The following ADARB2 variants were observed in gnomAD, a reference collection of about 807,000 sequenced individuals.
ADARB2 encodes adenosine deaminase RNA specific B2 (inactive).
In ADARB2, 25 loss-of-function variants were observed where a neutral mutation model predicts 62.2. The observed-to-expected ratio is 0.40, with a 90% CI of 0.29 to 0.56. The LOEUF is 0.56. Ranked by LOEUF, ADARB2 falls within the 20% of genes least tolerant of loss-of-function variation. ADARB2 has a pLI of 0.43. For synonymous variants in ADARB2, 572 were observed against 500.8 expected, an observed-to-expected ratio of 1.14 and a Z score of -1.90; for missense variants, 1,071 against 1,077.4, an observed-to-expected ratio of 0.99 and a Z score of 0.08.
chr10:1,563,364 G>A (rs568043887), intron 1 of ADARB2, among the ~76,000 whole-genome samples: 1 of 152,202 alleles, frequency 6.6e-6, no homozygotes, highest in Non-Finnish European at 1.5e-5. Context: ...GAACGTGGTT[G>A]CTCTAAGGTG....
In ADARB2 at chr10:1,306,143, T is replaced by A. The variant is rs543431523; in HGVS notation, c.1078-35074A>T. Among the ~76,000 whole-genome samples the A allele has an allele frequency of 6.0e-5, 9 of 150,232 alleles. No individual in the cohort carries two copies. In the South Asian group the frequency reaches 1.7e-3, roughly 28 times the overall value. On this transcript the variant is annotated intron_variant, in intron 3 of 9. Coordinates refer to ENST00000381312, the MANE Select transcript of ADARB2 (RefSeq NM_018702.4). ...TGTCCCTGTTTGCAGATGACATGAT[T>A]GTATATCTAGAAAACCCCATTGTCT... is the stretch of plus-strand genomic sequence containing the variant.
intron 1 of ADARB2, among the ~76,000 whole-genome samples, chr10:1,413,326 T>A (rs1199659809): frequency 6.6e-6 from 1 of 151,758 alleles, no homozygotes; most frequent in African/African-American, 2.4e-5. Flanking sequence ...GGGAAGGGGG[T>A]GCTCTGTGGT....
At chr10:1,303,930 G>A (rs929822394) in intron 3 of ADARB2, among the ~76,000 whole-genome samples, 27 of 152,162 alleles carry the variant, frequency 1.8e-4, no homozygotes, top group Admixed American at 5.9e-4. Context: ...ATGCCAAAAT[G>A]TAAAGACCAT....
intron 1 of ADARB2, among the ~76,000 whole-genome samples, chr10:1,621,902 G>T (rs1041462328): frequency 1.2e-5 from 1 of 86,078 alleles, no homozygotes; most frequent in Non-Finnish European, 2.2e-5. Flanking sequence ...AAAATGCAAA[G>T]GATCTAATAG....
At chr10:1,625,339 C>T (rs765682832) in intron 1 of ADARB2, among the ~76,000 whole-genome samples, 3 of 152,324 alleles carry the variant, frequency 2.0e-5, no homozygotes, top group Admixed American at 6.5e-5. Flanking sequence ...GACAGACAGT[C>T]GACGTGGGTT....
intron 1 of ADARB2, among the ~76,000 whole-genome samples, chr10:1,687,457 G>A (rs955081906): frequency 1.3e-5 from 2 of 151,754 alleles, no homozygotes; most frequent in Non-Finnish European, 2.9e-5. Context: ...CTATCTTTGG[G>A]ACTTGATTGG....
chr10:1,345,592 A>C lies in ADARB2; in HGVS notation c.1077+17436T>G, dbSNP rs559668947. 4.4e-3 allele frequency among the ~76,000 whole-genome samples: 665 copies of C among 152,236 alleles called. 2 individuals carry two copies. Among genetic ancestry groups the C allele is most frequent in the African/African-American group, 0.015 (630 of 41,542 alleles). On this transcript the variant is annotated intron_variant, in intron 3 of 9. Transcript: ENST00000381312. ...GCACACGGCTCTGCTGGTGACCTGG[A>C]TTCCCATCTGGGGAGCTGGCTGGAC... is the stretch of plus-strand genomic sequence containing the variant.
intron 4 of ADARB2, among the ~76,000 whole-genome samples, chr10:1,259,375 A>G (rs1269029471): frequency 2.9e-4 from 44 of 152,178 alleles, no homozygotes; most frequent in Non-Finnish European, 1.9e-4. Context: ...TTTTTTGAAA[A>G]GATCAACAAA....
At chr10:1,729,597 C>T (rs1835206717) in intron 1 of ADARB2, among the ~76,000 whole-genome samples, 2 of 152,284 alleles carry the variant, frequency 1.3e-5, no homozygotes, top group African/African-American at 2.4e-5. Flanking sequence ...AAAGAGAGGA[C>T]ATTTTTATAC....
chr10:1,572,552 T>G (rs1431771842), intron 1 of ADARB2, among the ~76,000 whole-genome samples: 1 of 152,314 alleles, frequency 6.6e-6, no homozygotes, highest in East Asian at 1.9e-4. Flanking sequence ...CCAAGTCTTG[T>G]CATTCTCACT....
chr10:1,278,020 A>C (rs1007261569), intron 3 of ADARB2, among the ~76,000 whole-genome samples: 4 of 150,842 alleles, frequency 2.7e-5, no homozygotes, highest in Admixed American at 6.6e-5. Context: ...CCCAGGCTGG[A>C]CCTCAGTGGC....
At chr10:1,352,002 C>G (rs1341794878) in intron 3 of ADARB2, among the ~76,000 whole-genome samples, 4 of 150,696 alleles carry the variant, frequency 2.7e-5, no homozygotes, top group Admixed American at 2.0e-4. Context: ...CTTTACTATT[C>G]CTTTGCACCC....
intron 2 of ADARB2, among the ~76,000 whole-genome samples, chr10:1,378,594 T>C (rs568378030): frequency 6.6e-6 from 1 of 152,038 alleles, no homozygotes; most frequent in South Asian, 2.1e-4. Context: ...AGGATGGAAC[T>C]GCAGGTGAGG....
chr10:1,481,745 T>A (rs552109799), intron 1 of ADARB2, among the ~76,000 whole-genome samples: 1 of 151,506 alleles, frequency 6.6e-6, no homozygotes, highest in Non-Finnish European at 1.5e-5. Flanking sequence ...TAATCCCAGC[T>A]ACTCAGGAGG....
intron 1 of ADARB2, among the ~76,000 whole-genome samples, chr10:1,570,015 A>G (rs549454970): frequency 7.2e-5 from 11 of 152,332 alleles, no homozygotes; most frequent in Admixed American, 6.5e-4. Flanking sequence ...TTTTGAAAGT[A>G]GCAGTTTCTC....
chr10:1,588,216 G>A (rs754193920), intron 1 of ADARB2, among the ~76,000 whole-genome samples: 2 of 152,084 alleles, frequency 1.3e-5, no homozygotes, highest in Non-Finnish European at 2.9e-5. Flanking sequence ...CCCTCCAGTT[G>A]CTGCCCTGAA....
intron 1 of ADARB2, among the ~76,000 whole-genome samples, chr10:1,589,113 C>G (rs1833215495): frequency 6.6e-6 from 1 of 152,206 alleles, no homozygotes; most frequent in South Asian, 2.1e-4. Flanking sequence ...CTCCATCAGT[C>G]CACTGGTTAT....
intron 3 of ADARB2, among the ~76,000 whole-genome samples, chr10:1,332,994 C>T (rs913668082): frequency 1.3e-5 from 2 of 152,192 alleles, no homozygotes; most frequent in Non-Finnish European, 2.9e-5. Context: ...GACAACCTTC[C>T]TCTGTTAGCC....
intron 1 of ADARB2, among the ~76,000 whole-genome samples, chr10:1,631,969 T>G (rs767389308): frequency 6.6e-6 from 1 of 152,282 alleles, no homozygotes; most frequent in Admixed American, 6.5e-5. Flanking sequence ...GAGCTTGCCA[T>G]GCACTGCCTT....
Sources: allele counts gnomAD v4.1 joint callset (sites outside exome capture counted in the v4.1 genomes callset), GRCh38; gene constraint gnomAD v4.1.1; transcripts MANE v1.5; gene names NCBI Gene and HGNC (gene_info 2026-07-23, HGNC 2026-07-21).